The following PAK1 variants were observed in gnomAD, a reference collection of about 807,000 sequenced individuals.
PAK1 encodes p21 (RAC1) activated kinase 1, also known as serine/threonine-protein kinase PAK 1.
In PAK1, 29 loss-of-function variants were observed where a neutral mutation model predicts 67.4. That is an observed-to-expected ratio of 0.43 (90% CI 0.32 to 0.59). The LOEUF (loss-of-function observed/expected upper bound fraction) is 0.59, where lower values mean the gene tolerates loss of function less well. Ranked by LOEUF, PAK1 falls within the 20% of genes least tolerant of loss-of-function variation. The pLI, the probability that PAK1 is intolerant of heterozygous loss-of-function variation, is 0.07. For missense variants in PAK1, 337 were observed against 670.7 expected (o/e 0.50, Z 5.50); for synonymous variants, 223 against 237.4 (o/e 0.94, Z 0.56).
chr11:77,455,987 A>G (rs2135436697), intron 1 of PAK1: 1 of 152,326 alleles, frequency 6.6e-6, no homozygotes, highest in Middle Eastern at 3.4e-3. Context: ...AAGTGCAAAG[A>G]TCAACATTTA....
At position 77,355,708 on chromosome 11, in the gene PAK1, C is replaced by A; in HGVS notation, c.732G>T (p.Lys244Asn). Residue 244 changes from lysine to asparagine, a missense_variant, in exon 7 of 15, where the codon AAG becomes AAT. By Grantham distance (94) the Lys-to-Asn change is moderately conservative. This residue lies in a region of PAK1 where 150 missense variants were observed against 179.0 expected (regional missense o/e 0.84). Coordinates refer to ENST00000356341, the MANE Select transcript of PAK1 (RefSeq NM_002576.5). ...ALTRNTEKQK[K>N]KPKMSDEEIL... ...TCTCCTCATCAGACATTTTAGGCTT[C>A]TTCTTCTGCTTCTCAGTATTCCGGG... 1 of 1,613,704 alleles carries A rather than the reference C, an allele frequency of 6.2e-7. No homozygotes were observed. Among genetic ancestry groups the A allele is most frequent in the Non-Finnish European group, 8.5e-7 (1 of 1,179,660 alleles).
chr11:77,505,774 T>G, the PAK1 span, among the ~76,000 whole-genome samples: 1 of 152,214 alleles, frequency 6.6e-6, no homozygotes, highest in African/African-American at 2.4e-5. Flanking sequence ...TCCCATTGTA[T>G]GTATATGTCA....
rs111975555 is a variant in PAK1, at chr11:77,381,176, T to G, written c.191-1182A>C. Among the ~76,000 whole-genome samples, 744 of 135,410 alleles carry G rather than the reference T, an allele frequency of 5.5e-3. 7 individuals carry two copies. The highest frequency in any genetic ancestry group is 0.021 in the African/African-American group (692 of 33,580). 88.8% of individuals were successfully genotyped at this position (135,410 alleles called of 152,430 possible). On this transcript the variant is annotated intron_variant, in intron 2 of 14. Coordinates refer to ENST00000356341, the MANE Select transcript of PAK1 (RefSeq NM_002576.5). ...GTGTGTGTGTGTGTGTGTGTGTGTG[T>G]AGAGAGAGAGAGAGAAAGAGAGACC...
At chr11:77,413,164 C>T (rs1954737286) in intron 1 of PAK1, among the ~76,000 whole-genome samples, 1 of 152,166 alleles carries the variant, frequency 6.6e-6, no homozygotes, top group African/African-American at 2.4e-5. Context: ...CAAGTTTTAG[C>T]AGTGGGAAGG....
At chr11:77,355,003 G>A (rs1217992943) in intron 7 of PAK1, among the ~76,000 whole-genome samples, 2 of 152,114 alleles carry the variant, frequency 1.3e-5, no homozygotes, top group Non-Finnish European at 2.9e-5. Flanking sequence ...GACAGCAAGA[G>A]GCAGTATGCT....
At chr11:77,435,796 C>CT (rs1207201654) in intron 1 of PAK1, among the ~76,000 whole-genome samples, 1 of 151,852 alleles carries the variant, frequency 6.6e-6, no homozygotes, top group Non-Finnish European at 1.5e-5. Context: ...GCGTAAGCCA[C>CT]TGCGCCCGGC....
At chr11:77,445,872 G>A (rs1956574499) in intron 1 of PAK1, among the ~76,000 whole-genome samples, 4 of 152,092 alleles carry the variant, frequency 2.6e-5, no homozygotes, top group South Asian at 2.1e-4. Flanking sequence ...TCCCTTGTCC[G>A]TTGTATTAGT....
At chr11:77,448,108 T>G (rs1223054282) in intron 1 of PAK1, among the ~76,000 whole-genome samples, 1 of 152,208 alleles carries the variant, frequency 6.6e-6, no homozygotes, top group African/African-American at 2.4e-5. Context: ...AAGCTTGGGT[T>G]TGAATCCCAA....
intron 2 of PAK1, among the ~76,000 whole-genome samples, chr11:77,385,905 C>T (rs897476059): frequency 6.6e-6 from 1 of 152,006 alleles, no homozygotes; most frequent in Non-Finnish European, 1.5e-5. Flanking sequence ...GCTTTGTAAA[C>T]TAAAGAACTT....
In PAK1 at chr11:77,340,853, G is replaced by A. The variant is rs1328513268; in HGVS notation, c.999-90C>T. The A allele has an allele frequency of 1.8e-5, 14 of 775,990 alleles. 1 individual carries two copies. Among genetic ancestry groups the A allele is most frequent in the Admixed American group, 3.5e-5 (2 of 57,256 alleles). 48.1% of individuals were successfully genotyped at this position (775,990 alleles called of 1,614,324 possible). ...TTCAAAGGCTAAGCATATACACAGA[G>A]TGAAACTACGTCTTAGCACAAAGTA... On this transcript the variant is annotated intron_variant, in intron 10 of 14. Transcript: ENST00000356341.
chr11:77,505,399 G>C, the PAK1 span, among the ~76,000 whole-genome samples: 5 of 152,206 alleles, frequency 3.3e-5, no homozygotes, highest in Middle Eastern at 6.8e-3. Context: ...TATTGGCCAG[G>C]CTGCTCTCAA....
chr11:77,341,031 C>T (rs371068376), intron 10 of PAK1, among the ~76,000 whole-genome samples: 1 of 152,130 alleles, frequency 6.6e-6, no homozygotes, highest in Admixed American at 6.5e-5. Flanking sequence ...TGAAGTGATA[C>T]AATAAAATTA....
At chr11:77,355,067 T>G (rs1004408558) in intron 7 of PAK1, among the ~76,000 whole-genome samples, 2 of 152,180 alleles carry the variant, frequency 1.3e-5, no homozygotes, top group African/African-American at 4.8e-5. Context: ...ACTTTTTAGC[T>G]GCGTGATTTT....
chr11:77,335,118 C>T (rs147302340), intron 13 of PAK1, among the ~76,000 whole-genome samples: 1,799 of 152,304 alleles, frequency 0.012, 12 homozygotes, highest in Middle Eastern at 0.017. Flanking sequence ...AAGGCCACTC[C>T]TTGGTCTACT....
At chr11:77,349,541 G>T in intron 8 of PAK1, 1 of 449,838 alleles carries the variant, frequency 2.2e-6, no homozygotes, top group Non-Finnish European at 4.1e-6. Context: ...AGGATCTTAA[G>T]AAAGTTATTT....
chr11:77,459,698 T>TC (rs1957237610), intron 1 of PAK1, among the ~76,000 whole-genome samples: 1 of 149,728 alleles, frequency 6.7e-6, no homozygotes, highest in South Asian at 2.1e-4. Flanking sequence ...TTCTTTTTTT[T>TC]TTTTTTTTTT....
Position 77,470,210 on chromosome 11 carries a change from A to C in PAK1, c.-22+3342T>G, listed in dbSNP as rs186628943. Among the ~76,000 whole-genome samples, 569 of 152,302 alleles carry C rather than the reference A, an allele frequency of 3.7e-3. 6 individuals are homozygous for C. Among genetic ancestry groups the C allele is most frequent in the African/African-American group, 0.013 (530 of 41,572 alleles). ...CTGATTCCACCTTGATTTTTGTTTT[A>C]GTTTTCCCCAACAAAGCCCATGACC... On this transcript the variant is annotated intron_variant, in intron 1 of 14. Coordinates refer to ENST00000356341, the MANE Select transcript of PAK1 (RefSeq NM_002576.5).
In PAK1 at chr11:77,447,428, C is replaced by T. The variant is rs539737987; in HGVS notation, c.-22+26124G>A. ...TGTTTCAAGTCAAAGCTGAGCTCATCTATCTTGCCCGTGGTAGTGTGAGAG... is the reference window on the plus strand; with the variant it reads ...TGTTTCAAGTCAAAGCTGAGCTCATTTATCTTGCCCGTGGTAGTGTGAGAG... On this transcript the variant is annotated intron_variant, in intron 1 of 14. Transcript: ENST00000356341. 3.3e-5 allele frequency among the ~76,000 whole-genome samples: 5 copies of T among 152,318 alleles called. No individual in the cohort carries two copies. In the East Asian group the frequency reaches 5.8e-4, roughly 18 times the overall value.
At chr11:77,434,630 T>C (rs1956026891) in intron 1 of PAK1, among the ~76,000 whole-genome samples, 1 of 151,470 alleles carries the variant, frequency 6.6e-6, no homozygotes. Flanking sequence ...TTTATTTACT[T>C]ATTTATTGAG....
Sources: gnomAD v4.1 joint callset for allele counts (sites outside exome capture counted in the v4.1 genomes callset) on GRCh38, gnomAD v4.1.1 for gene constraint, gnomAD v4.1.1 regional missense constraint, MANE v1.5 for transcripts, NCBI Gene and HGNC (gene_info 2026-07-23, HGNC 2026-07-21) for gene names.